The following TRMT11 variants were observed in gnomAD, a reference collection of about 807,000 sequenced individuals.
TRMT11 encodes tRNA (guanine(10)-N(2))-methyltransferase TRMT11.
In TRMT11, 53 loss-of-function variants were observed where a neutral mutation model predicts 62.8. The observed-to-expected ratio is 0.84, with a 90% CI of 0.68 to 1.06. The LOEUF is 1.06. Ranked by LOEUF, TRMT11 falls within the 50% of genes least tolerant of loss-of-function variation. The probability of loss-of-function intolerance (pLI) is 0.00; values close to 1 mark genes in which losing one functional copy is unlikely to be tolerated. For missense variants in TRMT11, 556 were observed against 553.4 expected, an observed-to-expected ratio of 1.00 and a Z score of -0.05; for synonymous variants, 188 against 190.3, an observed-to-expected ratio of 0.99 and a Z score of 0.10.
chr6:126,029,516 G>A (rs1773806746), intron 12 of TRMT11, among the ~76,000 whole-genome samples: 1 of 152,006 alleles, frequency 6.6e-6, no homozygotes, highest in Non-Finnish European at 1.5e-5. Flanking sequence ...GCCTGGTTTT[G>A]ATCTTTGTAT....
At chr6:125,995,755 T>A (rs974413695) in intron 2 of TRMT11, among the ~76,000 whole-genome samples, 1 of 152,208 alleles carries the variant, frequency 6.6e-6, no homozygotes, top group Non-Finnish European at 1.5e-5. Context: ...TGAGGATATA[T>A]TCGTTTATAG....
chr6:126,216,277 C>T, the TRMT11 span, among the ~76,000 whole-genome samples: 5 of 152,006 alleles, frequency 3.3e-5, no homozygotes, highest in African/African-American at 1.2e-4. Context: ...AGGACAAACA[C>T]CTCTAGGTTG....
chr6:126,161,770 G>A lies in TRMT11; in HGVS notation c.*1824-13055G>A, dbSNP rs538606422. Among the ~76,000 whole-genome samples, 36 of 152,192 alleles carry A rather than the reference G, an allele frequency of 2.4e-4. No homozygotes were observed. The East Asian group carries it at 5.0e-3, about 21-fold the overall frequency. Reference sequence around the variant, plus strand: ...GTTGTTTCTTGACTTTTTAATGATCGCCATTCTAACTGGGGTGAGATAGTA... The same window carrying A: ...GTTGTTTCTTGACTTTTTAATGATCACCATTCTAACTGGGGTGAGATAGTA... On this transcript the variant is annotated intron_variant and NMD_transcript_variant, in intron 21 of 22. Transcript: ENST00000648977.
At chr6:126,067,829 T>C (rs1468647206) in intron 17 of TRMT11, among the ~76,000 whole-genome samples, 1 of 152,210 alleles carries the variant, frequency 6.6e-6, no homozygotes, top group African/African-American at 2.4e-5. Context: ...TTTTAATTGC[T>C]CCACATTCTA....
chr6:126,003,513 C>G (rs1277091007), intron 7 of TRMT11, among the ~76,000 whole-genome samples: 1 of 151,924 alleles, frequency 6.6e-6, no homozygotes, highest in Non-Finnish European at 1.5e-5. Flanking sequence ...TAGGAGAGTC[C>G]CTGTTTTTCC....
chr6:126,144,982 A>G (rs1777958260), intron 21 of TRMT11, among the ~76,000 whole-genome samples: 1 of 152,184 alleles, frequency 6.6e-6, no homozygotes, highest in South Asian at 2.1e-4. Flanking sequence ...TTCCATGCCA[A>G]TAAATATAGA....
At chr6:126,124,145 A>G (rs1038833414) in intron 21 of TRMT11, among the ~76,000 whole-genome samples, 10 of 152,076 alleles carry the variant, frequency 6.6e-5, no homozygotes, top group Non-Finnish European at 1.2e-4. Flanking sequence ...ATTATAAATG[A>G]TGTACTAAAA....
At chr6:126,024,727 A>G (rs1317031474) in intron 12 of TRMT11, among the ~76,000 whole-genome samples, 1 of 152,220 alleles carries the variant, frequency 6.6e-6, no homozygotes, top group Admixed American at 6.5e-5. Flanking sequence ...TGTCCATCAC[A>G]TTGAATAAGA....
intron 8 of TRMT11, chr6:126,009,437 A>G (rs1205503217): frequency 6.6e-6 from 1 of 152,020 alleles, no homozygotes; most frequent in East Asian, 1.9e-4. Context: ...GCTTAATGGT[A>G]TTGAAAATGT....
At chr6:126,178,171 A>G (rs1022801438) in intron 1 of TRMT11, among the ~76,000 whole-genome samples, 7 of 152,202 alleles carry the variant, frequency 4.6e-5, no homozygotes, top group Non-Finnish European at 1.0e-4. Context: ...TAGTTTCTTT[A>G]AAGTTTTTAT....
chr6:126,158,011 TA>T (rs930985674), intron 21 of TRMT11, among the ~76,000 whole-genome samples: 1 of 152,178 alleles, frequency 6.6e-6, no homozygotes, highest in Non-Finnish European at 1.5e-5. Context: ...CTATATCCTC[TA>T]TTCCAATCAT....
At chr6:126,188,667 A>G (rs1040792778) in intron 1 of TRMT11, among the ~76,000 whole-genome samples, 2 of 152,174 alleles carry the variant, frequency 1.3e-5, no homozygotes, top group Non-Finnish European at 2.9e-5. Context: ...AATGGGTGAA[A>G]CAAAGTTGTT....
chr6:126,050,759 GTAAA>G (rs937445163), intron 16 of TRMT11, among the ~76,000 whole-genome samples: 28 of 152,202 alleles, frequency 1.8e-4, no homozygotes, highest in African/African-American at 6.7e-4. Context: ...AGGCCAGGAG[GTAAA>G]TAAACAGTCC....
chr6:125,994,068 TA>T (rs1378267054), intron 2 of TRMT11, among the ~76,000 whole-genome samples: 2 of 152,174 alleles, frequency 1.3e-5, no homozygotes, highest in Non-Finnish European at 2.9e-5. Flanking sequence ...TCCTTTCACC[TA>T]AAAAAGGGCT....
At chr6:126,120,434 G>T (rs1438408666) in intron 21 of TRMT11, among the ~76,000 whole-genome samples, 1 of 151,726 alleles carries the variant, frequency 6.6e-6, no homozygotes, top group Non-Finnish European at 1.5e-5. Context: ...TTACTTTTAG[G>T]TACAAAAAAG....
At chr6:125,995,555 C>T (rs1489301938) in intron 2 of TRMT11, among the ~76,000 whole-genome samples, 1 of 152,076 alleles carries the variant, frequency 6.6e-6, no homozygotes, top group Non-Finnish European at 1.5e-5. Context: ...CTCAGATGGC[C>T]ACACCTACCT....
intron 17 of TRMT11, among the ~76,000 whole-genome samples, chr6:126,057,869 A>G (rs1583850233): frequency 6.6e-6 from 1 of 152,160 alleles, no homozygotes; most frequent in African/African-American, 2.4e-5. Context: ...GAGTCTTTCT[A>G]TTAGAGCAGC....
rs182378634 is a variant in TRMT11 at position 125,999,377 on chromosome 6, A to G, written c.523-80A>G. On this transcript the variant is annotated intron_variant, in intron 6 of 12. Transcript: ENST00000334379. ...GTGGAAAGAAGTTCTTATCAGCAAA[A>G]TACAATGGTCTTATTGTGAGTGATT... The G allele has an allele frequency of 2.2e-5, 25 of 1,130,584 alleles. No homozygotes were observed. The East Asian group carries it at 6.3e-4, about 29-fold the overall frequency. 70.0% of individuals were successfully genotyped at this position (1,130,584 alleles called of 1,614,324 possible).
chr6:126,148,447 T>A (rs1158662889), intron 21 of TRMT11, among the ~76,000 whole-genome samples: 1 of 152,212 alleles, frequency 6.6e-6, no homozygotes, highest in African/African-American at 2.4e-5. Flanking sequence ...GTTCCCCTGG[T>A]CACTGTATCT....
Sources: allele counts gnomAD v4.1 joint callset (sites outside exome capture counted in the v4.1 genomes callset), GRCh38; gene constraint gnomAD v4.1.1; transcripts MANE v1.5; gene names NCBI Gene and HGNC (gene_info 2026-07-23, HGNC 2026-07-21).